The following NKAIN3 variants were observed in gnomAD, a reference collection of about 807,000 sequenced individuals.
The protein encoded by NKAIN3 is sodium/potassium-transporting ATPase subunit beta-1-interacting protein 3.
In NKAIN3, 25 loss-of-function variants were observed where a neutral mutation model predicts 30.2. That is an observed-to-expected ratio of 0.83 (90% CI 0.60 to 1.16). The LOEUF (loss-of-function observed/expected upper bound fraction) is 1.16. NKAIN3 is among the 50% of genes most tolerant of loss of function. NKAIN3 has a pLI of 0.00. For missense variants in NKAIN3, 225 were observed against 254.1 expected (o/e 0.89, Z 0.78); for synonymous variants, 91 against 89.6 (o/e 1.02, Z -0.09).
intron 1 of NKAIN3, among the ~76,000 whole-genome samples, chr8:62,269,220 A>C (rs759209465): frequency 1.8e-4 from 28 of 152,230 alleles, no homozygotes; most frequent in Admixed American, 5.2e-4. Flanking sequence ...CTTTATGGCC[A>C]TGCTATATAT....
intron 4 of NKAIN3, among the ~76,000 whole-genome samples, chr8:62,803,922 T>C (rs1241945127): frequency 6.6e-6 from 1 of 152,032 alleles, no homozygotes; most frequent in East Asian, 1.9e-4. Flanking sequence ...TAAAAAATGA[T>C]AAAGGGGATA....
chr8:62,418,388 A>G (rs547337858), intron 1 of NKAIN3, among the ~76,000 whole-genome samples: 3 of 152,220 alleles, frequency 2.0e-5, no homozygotes, highest in Non-Finnish European at 4.4e-5. Context: ...CTTCTCTGAT[A>G]GAGATGAAGT....
intron 3 of NKAIN3, among the ~76,000 whole-genome samples, chr8:62,649,712 G>C (rs1185371398): frequency 6.6e-6 from 1 of 152,078 alleles, no homozygotes; most frequent in Admixed American, 6.6e-5. Context: ...TGTGAAAGGA[G>C]GGAGGAAAAT....
chr8:62,383,618 G>T (rs747638416), intron 1 of NKAIN3: 18 of 431,104 alleles, frequency 4.2e-5, no homozygotes, highest in Non-Finnish European at 7.9e-5. Context: ...TTTAAGCCAA[G>T]TGCTTTTCTA....
chr8:62,497,344 A>T (rs1807274269), intron 1 of NKAIN3, among the ~76,000 whole-genome samples: 1 of 152,082 alleles, frequency 6.6e-6, no homozygotes, highest in South Asian at 2.1e-4. Context: ...GATAGGATAT[A>T]TACTGTCTTA....
intron 1 of NKAIN3, among the ~76,000 whole-genome samples, chr8:62,416,703 AATT>A (rs1804454446): frequency 6.6e-6 from 1 of 152,156 alleles, no homozygotes; most frequent in Non-Finnish European, 1.5e-5. Flanking sequence ...TGTAAAATTA[AATT>A]ATTATTGGCC....
chr8:62,963,032 C>T (rs1269205995), intron 6 of NKAIN3, among the ~76,000 whole-genome samples: 1 of 152,040 alleles, frequency 6.6e-6, no homozygotes, highest in Non-Finnish European at 1.5e-5. Flanking sequence ...GCTGGGATTA[C>T]AGGTGCCTGC....
chr8:62,634,175 T>A (rs1316671982), intron 3 of NKAIN3, among the ~76,000 whole-genome samples: 1 of 152,036 alleles, frequency 6.6e-6, no homozygotes, highest in East Asian at 1.9e-4. Flanking sequence ...TCTGAGGTTT[T>A]TTTTTTCCTC....
chr8:62,423,530 A>G (rs909712592), intron 1 of NKAIN3, among the ~76,000 whole-genome samples: 5 of 151,580 alleles, frequency 3.3e-5, no homozygotes, highest in Non-Finnish European at 7.4e-5. Context: ...TCAAATTAAC[A>G]CAAATTTATG....
rs1179915006 is a variant in NKAIN3, at chr8:62,308,395, A to G, written c.54+59268A>G. On this transcript the variant is annotated intron_variant, in intron 1 of 6. Coordinates refer to ENST00000623646, the MANE Select transcript of NKAIN3 (RefSeq NM_001304533.3). Reference sequence around the variant, plus strand: ...TTATTAAGACAGCTGATGGGGGACTAGTGAGAACCTTAATTCAATTTAAGG... The same window carrying G: ...TTATTAAGACAGCTGATGGGGGACTGGTGAGAACCTTAATTCAATTTAAGG... 4.0e-5 allele frequency among the ~76,000 whole-genome samples: 6 copies of G among 150,362 alleles called. 1 individual carries two copies. Among genetic ancestry groups the G allele is most frequent in the African/African-American group, 1.5e-4 (6 of 39,770 alleles).
At chr8:62,566,561 G>C (rs1809756243) in intron 1 of NKAIN3, among the ~76,000 whole-genome samples, 1 of 152,078 alleles carries the variant, frequency 6.6e-6, no homozygotes. Flanking sequence ...TTTTAAAAAT[G>C]TTTTATGTTT....
At chr8:62,696,565 A>T (rs1243050328) in intron 3 of NKAIN3, among the ~76,000 whole-genome samples, 7 of 152,186 alleles carry the variant, frequency 4.6e-5, no homozygotes, top group Admixed American at 4.6e-4. Context: ...ATAAAGACAA[A>T]GTCATTTGAC....
At chr8:62,721,217 G>A (rs150130014) in intron 3 of NKAIN3, among the ~76,000 whole-genome samples, 1 of 152,234 alleles carries the variant, frequency 6.6e-6, no homozygotes, top group East Asian at 1.9e-4. Context: ...ATACCAGAGA[G>A]CATAATATTT....
At chr8:62,619,120 G>A (rs548634599) in intron 3 of NKAIN3, among the ~76,000 whole-genome samples, 1 of 152,242 alleles carries the variant, frequency 6.6e-6, no homozygotes, top group South Asian at 2.1e-4. Context: ...TTCGTGTAAA[G>A]ATGCAATCAC....
chr8:62,936,813 A>G (rs892995449), intron 5 of NKAIN3, among the ~76,000 whole-genome samples: 3 of 152,104 alleles, frequency 2.0e-5, no homozygotes, highest in Non-Finnish European at 4.4e-5. Context: ...CTCGTTATAT[A>G]TTTCTGCAGT....
chr8:62,692,364 T>G (rs1474269572), intron 3 of NKAIN3, among the ~76,000 whole-genome samples: 1 of 152,138 alleles, frequency 6.6e-6, no homozygotes, highest in Non-Finnish European at 1.5e-5. Flanking sequence ...TGCATCCAGG[T>G]ATAAGAAGCA....
rs571082042 is a variant in NKAIN3, at chr8:62,326,501, G to A, written c.54+77374G>A. On this transcript the variant is annotated intron_variant, in intron 1 of 6. Transcript: ENST00000623646. ...TTGATTTCTGTATAAGCTGAGAGAT[G>A]AGGATCCAGTTTCATTCTTCTACAT... 4.0e-5 allele frequency among the ~76,000 whole-genome samples: 6 copies of A among 151,848 alleles called. No individual in the cohort carries two copies. The South Asian group carries it at 1.2e-3, about 31-fold the overall frequency.
intron 4 of NKAIN3, among the ~76,000 whole-genome samples, chr8:62,781,286 C>CA (rs1044814378): frequency 2.6e-5 from 4 of 151,232 alleles, no homozygotes; most frequent in Admixed American, 6.6e-5. Context: ...GAGGAGGGCA[C>CA]AAAAAAATGG....
At chr8:62,867,726 A>G (rs1820471796) in intron 4 of NKAIN3, among the ~76,000 whole-genome samples, 1 of 152,232 alleles carries the variant, frequency 6.6e-6, no homozygotes, top group Non-Finnish European at 1.5e-5. Flanking sequence ...ATAATGATGA[A>G]TCCAATAGCC....
Sources: allele counts gnomAD v4.1 joint callset (sites outside exome capture counted in the v4.1 genomes callset), GRCh38; gene constraint gnomAD v4.1.1; transcripts MANE v1.5; gene names NCBI Gene and HGNC (gene_info 2026-07-23, HGNC 2026-07-21).